Variants in GPR158 observed in about 807,000 individuals in gnomAD.
GPR158 encodes metabotropic glycine receptor.
GPR158 carries 30 observed loss-of-function variants against 78.2 expected under a neutral mutation model. The ratio of observed to expected loss-of-function variants is 0.38; its 90% CI spans 0.29 to 0.52. The LOEUF (loss-of-function observed/expected upper bound fraction) is 0.52, where lower values mean the gene tolerates loss of function less well. Among genes scored for constraint, GPR158 ranks in the 20% least tolerant of loss-of-function variants. The pLI is 0.83. For missense variants in GPR158, 1,463 were observed against 1,523.5 expected, an observed-to-expected ratio of 0.96 and a Z score of 0.66; for synonymous variants, 581 against 591.1, an observed-to-expected ratio of 0.98 and a Z score of 0.25.
chr10:25,552,421 C>A (rs1218672201), intron 6 of GPR158, among the ~76,000 whole-genome samples: 1 of 152,156 alleles, frequency 6.6e-6, no homozygotes, highest in African/African-American at 2.4e-5. Context: ...GACAATAAGC[C>A]TTCTAGAAAC....
chr10:25,541,972 TAATTATAAATTATATATTATA>T (rs1262318680), intron 5 of GPR158, among the ~76,000 whole-genome samples: 2 of 147,628 alleles, frequency 1.4e-5, no homozygotes, highest in Non-Finnish European at 3.0e-5. Context: ...TTATATATTA[TAATTATAAATTATATATTATA>T]AATTATAAAT....
chr10:25,315,474 CTTTG>C, intron 2 of GPR158, among the ~76,000 whole-genome samples: 1 of 152,156 alleles, frequency 6.6e-6, no homozygotes, highest in Non-Finnish European at 1.5e-5. Flanking sequence ...TTCTTAATCA[CTTTG>C]TTTTAGGTGT....
intron 2 of GPR158, among the ~76,000 whole-genome samples, chr10:25,376,080 T>C (rs1179231902): frequency 6.6e-6 from 1 of 151,644 alleles, no homozygotes; most frequent in Non-Finnish European, 1.5e-5. Flanking sequence ...ATTTTCAGCA[T>C]ACAGATGCCA....
At chr10:25,558,136 A>G (rs1217899633) in intron 6 of GPR158, among the ~76,000 whole-genome samples, 2 of 152,258 alleles carry the variant, frequency 1.3e-5, no homozygotes, top group East Asian at 3.8e-4. Context: ...TGGTTAAAAT[A>G]TGTAGTTTAA....
At chr10:25,251,686 G>A (rs1287510831) in intron 2 of GPR158, among the ~76,000 whole-genome samples, 5 of 151,670 alleles carry the variant, frequency 3.3e-5, no homozygotes, top group Admixed American at 1.3e-4. Context: ...GAGATCTGCT[G>A]TTAGTCTGAT....
At position 25,314,841 on chromosome 10, in the gene GPR158, G is replaced by A. The variant is rs1189345282; in HGVS notation, c.1009-81070G>A. Among the ~76,000 whole-genome samples, 256 of 114,832 alleles carry A rather than the reference G, an allele frequency of 2.2e-3. 1 individual carries two copies. Among genetic ancestry groups the A allele is most frequent in the African/African-American group, 8.7e-3 (228 of 26,292 alleles). The allele number at this position is 114,832 out of a possible 152,430, so 75.3% of individuals were successfully genotyped here. A position where few individuals can be genotyped will look rare whatever the true frequency, so the allele number is the denominator to read the frequency against. On this transcript the variant is annotated intron_variant, in intron 2 of 10. Transcript: ENST00000376351. ...AAAGCCTTTAGTCATACATATACAC[G>A]TATATACATACACACACTGTCATAT... is the stretch of plus-strand genomic sequence containing the variant.
intron 2 of GPR158, among the ~76,000 whole-genome samples, chr10:25,372,107 A>G (rs867475492): frequency 7.1e-6 from 1 of 141,102 alleles, no homozygotes; most frequent in Admixed American, 7.0e-5. Flanking sequence ...CATGAAAAAA[A>G]TGCTCATCAT....
At chr10:25,211,482 C>T (rs563771258) in intron 1 of GPR158, among the ~76,000 whole-genome samples, 8 of 152,216 alleles carry the variant, frequency 5.3e-5, no homozygotes, top group South Asian at 2.1e-4. Flanking sequence ...ATGGGGGGAG[C>T]GCATGCACAA....
chr10:25,208,498 C>T (rs1853078280), intron 1 of GPR158, among the ~76,000 whole-genome samples: 1 of 151,740 alleles, frequency 6.6e-6, no homozygotes, highest in Non-Finnish European at 1.5e-5. Flanking sequence ...ATTCTTCTAT[C>T]AACCATCTCA....
At chr10:25,326,109 C>T (rs928608516) in intron 2 of GPR158, among the ~76,000 whole-genome samples, 4 of 152,120 alleles carry the variant, frequency 2.6e-5, no homozygotes, top group South Asian at 2.1e-4. Context: ...TCTCCCTCCC[C>T]CTAACAGGCT....
rs138123766 is a variant in GPR158 at position 25,301,120 on chromosome 10, C to T, written c.1008+79963C>T. On this transcript the variant is annotated intron_variant, in intron 2 of 10. Transcript: ENST00000376351. ...TATGGTTATACTTGCCATTCTTAAT[C>T]CCTTCAAAATATATTGAGATAATTT... Among the ~76,000 whole-genome samples the T allele has an allele frequency of 5.8e-3, 882 of 152,216 alleles. 10 individuals carry two copies. Among genetic ancestry groups the T allele is most frequent in the African/African-American group, 0.02 (830 of 41,546 alleles).
intron 2 of GPR158, among the ~76,000 whole-genome samples, chr10:25,384,246 C>T (rs1834192852): frequency 6.6e-6 from 1 of 151,928 alleles, no homozygotes; most frequent in African/African-American, 2.4e-5. Context: ...AAATTTTGAG[C>T]TGCCAGCTCA....
rs555352891 is a variant in GPR158 at position 25,459,660 on chromosome 10, CTT to C, written c.1336-6990_1336-6989del. ...AAAATGCAGCCTTGAGCATTCTTCT[CTT>C]CTTATTACATCCAGTGACTTAGCTT... On this transcript the variant is annotated intron_variant, in intron 4 of 10. Coordinates refer to ENST00000376351, the MANE Select transcript of GPR158 (RefSeq NM_020752.3). Among the ~76,000 whole-genome samples the C allele has an allele frequency of 3.8e-3, 574 of 152,306 alleles. 2 individuals carry two copies. The highest frequency in any genetic ancestry group is 7.1e-3 in the Non-Finnish European group (483 of 68,016).
chr10:25,286,616 T>C (rs1854354945), intron 2 of GPR158, among the ~76,000 whole-genome samples: 1 of 152,166 alleles, frequency 6.6e-6, no homozygotes, highest in Admixed American at 6.5e-5. Flanking sequence ...TTTTTTTTAT[T>C]TTTTGATGGC....
At position 25,596,507 on chromosome 10, in the gene GPR158, CTATATATA is replaced by C. The variant is rs576637004; in HGVS notation, c.1999-133_1999-126del. ...TGTCTCTCTCTCTCTATCTATCTAT[CTATATATA>C]TAGATAGATAGATAGATCTAGGTAT... On this transcript the variant is annotated intron_variant, in intron 9 of 10. Transcript: ENST00000376351. The C allele has an allele frequency of 1.5e-4, 88 of 591,888 alleles. No homozygotes were observed. The African/African-American group carries it at 1.5e-3, about 10-fold the overall frequency. The allele number at this position is 591,888 out of a possible 1,614,324, so 36.7% of individuals were successfully genotyped here. A position where few individuals can be genotyped will look rare whatever the true frequency, so the allele number is the denominator to read the frequency against.
intron 2 of GPR158, among the ~76,000 whole-genome samples, chr10:25,249,370 G>A (rs1482361826): frequency 6.6e-6 from 1 of 152,182 alleles, no homozygotes; most frequent in Non-Finnish European, 1.5e-5. Context: ...TGGTGAGGGA[G>A]GGCATCCCTG....
intron 2 of GPR158, among the ~76,000 whole-genome samples, chr10:25,224,406 TTTG>T (rs1853344398): frequency 6.6e-6 from 1 of 151,600 alleles, no homozygotes; most frequent in South Asian, 2.1e-4. Context: ...ATATACATCT[TTTG>T]TTATATTTTT....
At chr10:25,369,224 G>A (rs1182259807) in intron 2 of GPR158, among the ~76,000 whole-genome samples, 1 of 150,458 alleles carries the variant, frequency 6.6e-6, no homozygotes, top group Non-Finnish European at 1.5e-5. Flanking sequence ...AGTGGTGAGA[G>A]AGGGCATCCC....
chr10:25,372,550 C>A (rs1165125049), intron 2 of GPR158, among the ~76,000 whole-genome samples: 3 of 146,886 alleles, frequency 2.0e-5, no homozygotes, highest in African/African-American at 7.6e-5. Flanking sequence ...GAGTTCATGT[C>A]CTTTGTAGGG....
Sources: allele counts gnomAD v4.1 joint callset (sites outside exome capture counted in the v4.1 genomes callset), GRCh38; gene constraint gnomAD v4.1.1; transcripts MANE v1.5; gene names NCBI Gene and HGNC (gene_info 2026-07-23, HGNC 2026-07-21).